IL2: variants seen among roughly 807,000 people sequenced by gnomAD.
IL2 encodes interleukin-2.
In IL2, 3 loss-of-function variants were observed where a neutral mutation model predicts 14.6. The observed-to-expected ratio is 0.21, with a 90% CI of 0.09 to 0.53. IL2 has a LOEUF of 0.53. IL2 is among the 20% of genes least tolerant of loss of function. IL2 has a pLI of 0.95. For synonymous variants in IL2, 71 were observed against 60.0 expected (o/e 1.18, Z -0.85); for missense variants, 125 against 170.8 (o/e 0.73, Z 1.50).
rs778534176 is a variant in IL2 at position 122,453,862 on chromosome 4, A to G, written c.208-9T>C. 1.3e-6 allele frequency: 2 copies of G among 1,598,570 alleles called. No individual in the cohort carries two copies. Among genetic ancestry groups the G allele is most frequent in the Admixed American group, 3.5e-5 (2 of 56,780 alleles). On this transcript the variant is annotated splice_polypyrimidine_tract_variant and intron_variant, in intron 2 of 3. Coordinates refer to ENST00000226730, the MANE Select transcript of IL2 (RefSeq NM_000586.4). ...TGTTTCAGTTCTGTGGCCTAGAATA[A>G]TAATTATCATCAGCTCAGTTTACAT...
chr4:122,453,687 G>A, intron 3 of IL2, 23 bp downstream of exon 3: 1 of 1,552,290 alleles, frequency 6.4e-7, no homozygotes, highest in East Asian at 2.3e-5. Flanking sequence ...ATTTCCAGGA[G>A]AGCAAATAAA....
At chr4:122,455,544 G>A (rs980212826) in intron 2 of IL2, among the ~76,000 whole-genome samples, 1 of 151,880 alleles carries the variant, frequency 6.6e-6, no homozygotes, top group African/African-American at 2.4e-5. Context: ...ACGGTTCTGA[G>A]TGCTTTACAT....
chr4:122,455,005 T>C (rs921611322), intron 2 of IL2, among the ~76,000 whole-genome samples: 4 of 151,800 alleles, frequency 2.6e-5, no homozygotes, highest in Non-Finnish European at 5.9e-5. Flanking sequence ...GCATGAACAA[T>C]GTGGAGAAAT....
intron 2 of IL2, among the ~76,000 whole-genome samples, chr4:122,454,219 A>G (rs886418936): frequency 6.6e-6 from 1 of 151,900 alleles, no homozygotes; most frequent in East Asian, 1.9e-4. Context: ...ACATTCTATG[A>G]TTATAATATT....
chr4:122,453,758 T>C lies in IL2; in HGVS notation c.303A>G (p.Arg101=), dbSNP rs762050104. 9.3e-6 allele frequency: 15 copies of C among 1,611,200 alleles called. No individual in the cohort carries two copies. Among genetic ancestry groups the C allele is most frequent in the Non-Finnish European group, 1.2e-5 (14 of 1,178,066 alleles). The part of the protein sequence containing the change: ...NLAQSKNFHL[R]PRDLISNINV... ...TGATATTGCTGATTAAGTCCCTGGGTCTTAAGTGAAAGTTTTTGCTTTGAG... is the reference window on the plus strand; with the variant it reads ...TGATATTGCTGATTAAGTCCCTGGGCCTTAAGTGAAAGTTTTTGCTTTGAG... The change falls in exon 3 of 4, where the codon AGA becomes AGG. Residue 101 remains arginine, a synonymous_variant. Transcript: ENST00000226730.
intron 3 of IL2, 46 bp downstream of exon 3, chr4:122,453,664 C>CTTTT (rs74556536): frequency 4.2e-6 from 5 of 1,202,858 alleles, no homozygotes; most frequent in Non-Finnish European, 5.7e-6. Context: ...TTTCCCCCTA[C>CTTTT]TTTTTTTTTT....
intron 3 of IL2, among the ~76,000 whole-genome samples, chr4:122,453,494 T>C (rs1416876614): frequency 1.3e-5 from 2 of 151,858 alleles, no homozygotes; most frequent in African/African-American, 4.8e-5. Context: ...GCTTGTCCAT[T>C]AGTAGATGGT....
In IL2 at chr4:122,451,585, C is replaced by T; in HGVS notation, c.*167G>A. 1 of 354,638 alleles carries T rather than the reference C, an allele frequency of 2.8e-6. No individual in the cohort carries two copies. 22.0% of individuals were successfully genotyped at this position (354,638 alleles called of 1,614,324 possible). A position where few individuals can be genotyped will look rare whatever the true frequency, so the allele number is the denominator to read the frequency against. On this transcript the variant is annotated 3_prime_UTR_variant, in exon 4 of 4. Transcript: ENST00000226730. ...ATAAATAAGTGAAACCATTTTAGAGCCCCTAGGGCTTACAAAAAGAATCAT... is the reference window on the plus strand; with the variant it reads ...ATAAATAAGTGAAACCATTTTAGAGTCCCTAGGGCTTACAAAAAGAATCAT...
At position 122,451,784 on chromosome 4, in the gene IL2, A is replaced by C; in HGVS notation, c.430T>G (p.Phe144Val). Residue 144 changes from phenylalanine to valine, a missense_variant, in exon 4 of 4, where the codon TTT becomes GTT. Phe to Val is a conservative substitution (Grantham distance 50, BLOSUM62 -1). Coordinates refer to ENST00000226730, the MANE Select transcript of IL2 (RefSeq NM_000586.4). The part of the protein sequence containing the change: ...IVEFLNRWIT[F>V]CQSIISTLT Reference sequence around the variant, plus strand: ...AGTGTTGAGATGATGCTTTGACAAAAGGTAATCCATCTGTTCAGAAATTCT... The same window carrying C: ...AGTGTTGAGATGATGCTTTGACAAACGGTAATCCATCTGTTCAGAAATTCT... The C allele has an allele frequency of 6.3e-7, 1 of 1,584,496 alleles. No homozygotes were observed. The highest frequency in any genetic ancestry group is 8.6e-7 in the Non-Finnish European group (1 of 1,162,076).
chr4:122,454,007 T>C (rs1214456606), intron 2 of IL2, among the ~76,000 whole-genome samples, 154 bp from the exon 3 acceptor site: 1 of 151,830 alleles, frequency 6.6e-6, no homozygotes, highest in Non-Finnish European at 1.5e-5. Flanking sequence ...GTTTACATTA[T>C]AAAACTGGAA....
At chr4:122,455,778 A>T (rs1015479067) in intron 2 of IL2, among the ~76,000 whole-genome samples, 6 of 151,940 alleles carry the variant, frequency 3.9e-5, no homozygotes, top group Non-Finnish European at 8.8e-5. Flanking sequence ...AAAGATTTTT[A>T]AAAGTGGGCT....
In IL2 at chr4:122,456,287, T is replaced by G; in HGVS notation, c.147+7A>C. The G allele has an allele frequency of 6.2e-7, 1 of 1,604,016 alleles. No homozygotes were observed. The highest frequency in any genetic ancestry group is 8.5e-7 in the Non-Finnish European group (1 of 1,171,640). ...AATAATTTTAGTAAGAAAGGAAATA[T>G]ACTTACATTAATTCCATTCAAAATC... On this transcript the variant is annotated splice_region_variant and intron_variant, in intron 1 of 3. Coordinates refer to ENST00000226730, the MANE Select transcript of IL2 (RefSeq NM_000586.4).
chr4:122,452,442 T>G (rs1797686217), intron 3 of IL2, among the ~76,000 whole-genome samples: 1 of 152,006 alleles, frequency 6.6e-6, no homozygotes, highest in Non-Finnish European at 1.5e-5. Context: ...TACCCCATCA[T>G]AGTATCAATG....
At chr4:122,456,242 C>G (rs1430776573) in intron 1 of IL2, 39 bp from the exon 2 acceptor site, 1 of 1,594,600 alleles carries the variant, frequency 6.3e-7, no homozygotes, top group Non-Finnish European at 8.6e-7. Flanking sequence ...GAAATGATCT[C>G]CAGCTAGATT....
In IL2 at chr4:122,456,235, A is replaced by G; in HGVS notation, c.148-32T>C. 4 of 1,598,536 alleles carry G rather than the reference A, an allele frequency of 2.5e-6. No homozygotes were observed. In the South Asian group the frequency reaches 4.4e-5, roughly 18 times the overall value. The stretch of plus-strand genomic sequence containing the variant: ...AAGTATAATGCATTGTTATTAAGAA[A>G]TGATCTCCAGCTAGATTACTAAATG... On this transcript the variant is annotated intron_variant, in intron 1 of 3. Transcript: ENST00000226730.
At chr4:122,455,581 A>G (rs1218581395) in intron 2 of IL2, among the ~76,000 whole-genome samples, 1 of 151,946 alleles carries the variant, frequency 6.6e-6, no homozygotes, top group Non-Finnish European at 1.5e-5. Context: ...ACAAAGCCAT[A>G]TTAAGTATAT....
chr4:122,456,411 A>C lies in IL2; in HGVS notation c.30T>G (p.Ile10Met). Residue 10 changes from isoleucine (I) to methionine (M), a missense_variant, in exon 1 of 4, where the codon ATT (isoleucine) becomes ATG (methionine). Transcript: ENST00000226730. MYRMQLLSC[I>M]ALSLALVTNS... ...TTGTGACAAGTGCAAGACTTAGTGCAATGCAAGACAGGAGTTGCATCCTGT... is the reference window on the plus strand; with the variant it reads ...TTGTGACAAGTGCAAGACTTAGTGCCATGCAAGACAGGAGTTGCATCCTGT... 2 of 1,611,980 alleles carry C rather than the reference A, an allele frequency of 1.2e-6. No individual in the cohort carries two copies. The highest frequency in any genetic ancestry group is 1.7e-6 in the Non-Finnish European group (2 of 1,178,594).
chr4:122,454,581 A>T (rs1422550856), intron 2 of IL2, among the ~76,000 whole-genome samples: 2 of 151,828 alleles, frequency 1.3e-5, no homozygotes, highest in African/African-American at 4.8e-5. Context: ...TTTACTTCTC[A>T]CAGTCATCTT....
At chr4:122,454,488 C>A (rs1797710372) in intron 2 of IL2, among the ~76,000 whole-genome samples, 1 of 151,558 alleles carries the variant, frequency 6.6e-6, no homozygotes, top group Admixed American at 6.6e-5. Context: ...TTTGGACAGG[C>A]CTCTTGATTC....
Sources: gnomAD v4.1 joint callset for allele counts (sites outside exome capture counted in the v4.1 genomes callset) on GRCh38, gnomAD v4.1.1 for gene constraint, MANE v1.5 for transcripts, NCBI Gene and HGNC (gene_info 2026-07-23, HGNC 2026-07-21) for gene names.